The following ADGRV1 variants were observed in gnomAD, a reference collection of about 807,000 sequenced individuals.
ADGRV1 encodes G-protein coupled receptor 98.
Under a neutral mutation model 596.2 loss-of-function variants are expected in ADGRV1, and 359 were observed. The ratio of observed to expected loss-of-function variants is 0.60; its 90% CI spans 0.55 to 0.66. The LOEUF (loss-of-function observed/expected upper bound fraction) is 0.66. Among genes scored for constraint, ADGRV1 ranks in the 30% least tolerant of loss-of-function variants. ADGRV1 has a pLI of 0.00. For missense variants in ADGRV1, 7,274 were observed against 7,575.6 expected, an observed-to-expected ratio of 0.96 and a Z score of 1.48; for synonymous variants, 2,681 against 2,679.2, an observed-to-expected ratio of 1.00 and a Z score of -0.02.
intron 85 of ADGRV1, among the ~76,000 whole-genome samples, chr5:91,042,575 G>T (rs534403589): frequency 6.6e-6 from 1 of 151,818 alleles, no homozygotes; most frequent in Non-Finnish European, 1.5e-5. Context: ...TGGGATACAT[G>T]TGCACAACCT....
At chr5:90,665,577 T>A (rs1411528860) in intron 21 of ADGRV1, among the ~76,000 whole-genome samples, 1 of 151,318 alleles carries the variant, frequency 6.6e-6, no homozygotes, top group African/African-American at 2.4e-5. Context: ...CCTGGATTCA[T>A]TAATTTTTTG....
chr5:91,145,420 T>C (rs2126868408), intron 87 of ADGRV1, among the ~76,000 whole-genome samples: 1 of 152,370 alleles, frequency 6.6e-6, no homozygotes, highest in African/African-American at 2.4e-5. Context: ...TCAGTAACGT[T>C]TGCACAATTT....
chr5:90,812,984 T>C (rs1293083483), intron 74 of ADGRV1, among the ~76,000 whole-genome samples: 1 of 150,688 alleles, frequency 6.6e-6, no homozygotes, highest in African/African-American at 2.4e-5. Context: ...ATACAAAAAA[T>C]TTGCCAGGCA....
chr5:90,875,871 A>C (rs1283024249), intron 83 of ADGRV1, among the ~76,000 whole-genome samples: 1 of 152,220 alleles, frequency 6.6e-6, no homozygotes, highest in African/African-American at 2.4e-5. Flanking sequence ...GATAATAACT[A>C]ATTGTAAAAG....
At chr5:91,060,609 T>G (rs978059421) in intron 85 of ADGRV1, among the ~76,000 whole-genome samples, 4 of 152,120 alleles carry the variant, frequency 2.6e-5, no homozygotes, top group African/African-American at 9.7e-5. Context: ...TGCAAAGAAA[T>G]GTATAGTGTA....
At chr5:90,683,561 G>A (rs761377243) in intron 27 of ADGRV1, 25 bp from the exon 28 acceptor site, 1 of 1,515,162 alleles carries the variant, frequency 6.6e-7, no homozygotes, top group African/African-American at 1.4e-5. Context: ...TCTTTTAATA[G>A]ATTTTAATAT....
At chr5:90,710,787 T>C (rs1749236927) in intron 39 of ADGRV1, among the ~76,000 whole-genome samples, 194 bp from the exon 40 acceptor site, 1 of 152,194 alleles carries the variant, frequency 6.6e-6, no homozygotes, top group African/African-American at 2.4e-5. Flanking sequence ...CAGTGGCTCT[T>C]GTTAGCCAAA....
At chr5:90,599,021 A>G (rs1381156632) in intron 1 of ADGRV1, among the ~76,000 whole-genome samples, 1 of 152,196 alleles carries the variant, frequency 6.6e-6, no homozygotes, top group Non-Finnish European at 1.5e-5. Context: ...AAGAATGAGA[A>G]AAGAAGAGAA....
At chr5:91,137,159 C>T (rs1288402026) in intron 87 of ADGRV1, among the ~76,000 whole-genome samples, 8 of 148,964 alleles carry the variant, frequency 5.4e-5, no homozygotes, top group African/African-American at 2.0e-4. Context: ...CTTTTTTTTT[C>T]ACTGTGACCT....
chr5:91,143,227 T>G (rs1286079634), intron 87 of ADGRV1, among the ~76,000 whole-genome samples: 1 of 152,158 alleles, frequency 6.6e-6, no homozygotes, highest in African/African-American at 2.4e-5. Flanking sequence ...TGCCCTGGCT[T>G]GGGGCACTCC....
At position 90,647,644 on chromosome 5, in the gene ADGRV1, A is replaced by C. The variant is rs1393032993; in HGVS notation, c.3169A>C (p.Lys1057Gln). ...ARERDFIPVE[K>Q]GETLIFEVGS... ...AGAGAGAGATTTCATTCCTGTTGAA[A>C]AAGGAGAAACGCTCATTTTTGAGGT... The change falls in exon 17 of 90, where the codon AAA becomes CAA. Residue 1057 changes from lysine to glutamine, a missense_variant. Transcript: ENST00000405460. 1 of 1,613,994 alleles carries C rather than the reference A, an allele frequency of 6.2e-7. No homozygotes were observed. Among genetic ancestry groups the C allele is most frequent in the African/African-American group, 1.3e-5 (1 of 75,056 alleles).
At chr5:90,956,923 T>C (rs1468573615) in intron 83 of ADGRV1, among the ~76,000 whole-genome samples, 1 of 152,132 alleles carries the variant, frequency 6.6e-6, no homozygotes, top group African/African-American at 2.4e-5. Flanking sequence ...CAGCAAATGT[T>C]AAGATTTAGT....
chr5:90,635,123 G>C lies in ADGRV1; in HGVS notation c.1849G>C (p.Val617Leu). 1 of 1,587,530 alleles carries C rather than the reference G, an allele frequency of 6.3e-7. No homozygotes were observed. Among genetic ancestry groups the C allele is most frequent in the South Asian group, 1.1e-5 (1 of 89,900 alleles). The change falls in exon 10 of 90, where the codon GTG becomes CTG. Residue 617 changes from valine (V) to leucine (L), a missense_variant. By Grantham distance (32) the Val-to-Leu change is conservative (BLOSUM62 1). Transcript: ENST00000405460. ...TATTTGTTTATTATAGTTGGAAACT[G>C]TGGAGTTGTTAAACATAATTCCTCT... ...GAHFLVQLETVELLNIIPLIP... is the reference protein window; with the variant it reads ...GAHFLVQLETLELLNIIPLIP...
chr5:90,700,294 C>A (rs1410187980), intron 34 of ADGRV1, among the ~76,000 whole-genome samples: 1 of 152,092 alleles, frequency 6.6e-6, no homozygotes, highest in African/African-American at 2.4e-5. Context: ...GTTGGAGTTT[C>A]ATTTATGTGA....
chr5:90,954,661 C>T (rs538100455), intron 83 of ADGRV1, among the ~76,000 whole-genome samples: 15 of 152,002 alleles, frequency 9.9e-5, no homozygotes, highest in Admixed American at 5.2e-4. Context: ...TATTTCTATT[C>T]CTAGTATAAT....
chr5:90,612,826 CT>C (rs1374385610), intron 1 of ADGRV1, among the ~76,000 whole-genome samples: 1 of 152,012 alleles, frequency 6.6e-6, no homozygotes, highest in African/African-American at 2.4e-5. Context: ...CAAATTTGGC[CT>C]TTTGTATGTT....
chr5:90,719,965 C>T, intron 43 of ADGRV1, 83 bp from the exon 44 acceptor site: 1 of 1,033,320 alleles, frequency 9.7e-7, no homozygotes, highest in South Asian at 1.4e-5. Context: ...ATTTTGTTGT[C>T]AGAAATGTTC....
intron 39 of ADGRV1, 25 bp from the exon 40 acceptor site, chr5:90,710,956 A>G (rs1749257354): frequency 2.9e-6 from 4 of 1,389,466 alleles, no homozygotes; most frequent in Non-Finnish European, 4.0e-6. Flanking sequence ...TATGTATTTT[A>G]AGATATGCTT....
intron 85 of ADGRV1, among the ~76,000 whole-genome samples, chr5:91,032,340 T>TA (rs1784547146): frequency 6.6e-6 from 1 of 152,158 alleles, no homozygotes; most frequent in Non-Finnish European, 1.5e-5. Context: ...TAGTTTTAAA[T>TA]ATAAACGGAA....
Sources: gnomAD v4.1 joint callset for allele counts (sites outside exome capture counted in the v4.1 genomes callset) on GRCh38, gnomAD v4.1.1 for gene constraint, MANE v1.5 for transcripts, NCBI Gene and HGNC (gene_info 2026-07-23, HGNC 2026-07-21) for gene names.